Variants in MED13L observed in about 807,000 individuals in gnomAD.
The protein encoded by MED13L is mediator of RNA polymerase II transcription subunit 13-like.
In MED13L, 7 loss-of-function variants were observed where a neutral mutation model predicts 220.9. The ratio of observed to expected loss-of-function variants is 0.03; its 90% CI spans 0.02 to 0.06. MED13L has a LOEUF of 0.06. Among genes scored for constraint, MED13L ranks in the 10% least tolerant of loss-of-function variants. The probability of loss-of-function intolerance (pLI) is 1.00; values close to 1 mark genes in which losing one functional copy is unlikely to be tolerated. For synonymous variants in MED13L, 1,011 were observed against 1,015.2 expected (o/e 1.00, Z 0.08); for missense variants, 1,965 against 2,760.5 (o/e 0.71, Z 6.46).
At chr12:115,962,477 G>A (rs576051615) in intron 30 of MED13L, among the ~76,000 whole-genome samples, 5 of 152,144 alleles carry the variant, frequency 3.3e-5, no homozygotes, top group African/African-American at 7.2e-5. Flanking sequence ...AGGCATGGAC[G>A]GGGGTTGGGG....
intron 4 of MED13L, 83 bp from the exon 5 acceptor site, chr12:116,022,684 C>T (rs1880131615): frequency 3.5e-6 from 5 of 1,430,598 alleles, no homozygotes; most frequent in Non-Finnish European, 4.8e-6. Context: ...TAAGATACAG[C>T]TCTACTTTAT....
At chr12:116,251,450 CT>C (rs1203382299) in intron 1 of MED13L, among the ~76,000 whole-genome samples, 176 of 129,486 alleles carry the variant, frequency 1.4e-3, no homozygotes, top group Admixed American at 4.3e-3. Context: ...GTGAGGGATC[CT>C]TTTTTTTTTT....
chr12:115,958,756 A>T lies in MED13L; in HGVS notation c.*2510T>A, dbSNP rs1875574375. The T allele has an allele frequency of 6.6e-6, 1 of 152,584 alleles. No individual in the cohort carries two copies. Among genetic ancestry groups the T allele is most frequent in the South Asian group, 2.1e-4 (1 of 4,832 alleles). The allele number at this position is 152,584 out of a possible 1,614,324, so 9.5% of individuals were successfully genotyped here. On this transcript the variant is annotated 3_prime_UTR_variant, in exon 31 of 31. Transcript: ENST00000281928. ...AGTTATTTTTTTAAATGAACTTCAC[A>T]TATTTTTGTATTCTTTCAAATTGTT...
chr12:116,193,591 T>C (rs1281337748), intron 2 of MED13L, among the ~76,000 whole-genome samples: 4 of 142,628 alleles, frequency 2.8e-5, no homozygotes, highest in Non-Finnish European at 6.0e-5. Flanking sequence ...AAGATGAAGA[T>C]TTAGTGTAAA....
intron 1 of MED13L, among the ~76,000 whole-genome samples, chr12:116,250,399 G>A: frequency 6.9e-6 from 1 of 145,238 alleles, no homozygotes; most frequent in Non-Finnish European, 1.5e-5. Flanking sequence ...CACGACACAA[G>A]ATAGAAACCT....
intron 25 of MED13L, among the ~76,000 whole-genome samples, chr12:115,974,372 T>C (rs1160341431): frequency 6.6e-6 from 1 of 152,220 alleles, no homozygotes; most frequent in African/African-American, 2.4e-5. Flanking sequence ...ACTTCTCCCA[T>C]CTGAATGCAT....
At chr12:116,178,788 C>A (rs1880269495) in intron 2 of MED13L, among the ~76,000 whole-genome samples, 1 of 152,220 alleles carries the variant, frequency 6.6e-6, no homozygotes, top group Non-Finnish European at 1.5e-5. Context: ...CTGAATTGAA[C>A]TGAATATTCA....
At chr12:116,204,975 C>T (rs1882222446) in intron 2 of MED13L, among the ~76,000 whole-genome samples, 1 of 152,146 alleles carries the variant, frequency 6.6e-6, no homozygotes, top group African/African-American at 2.4e-5. Flanking sequence ...ACAAATACTG[C>T]TTCTTTGCTG....
In MED13L at chr12:116,046,739, C is replaced by T. The variant is rs187071918; in HGVS notation, c.480-24138G>A. 1.8e-4 allele frequency among the ~76,000 whole-genome samples: 28 copies of T among 152,182 alleles called. No individual in the cohort carries two copies. The South Asian group carries it at 1.9e-3, about 10-fold the overall frequency. On this transcript the variant is annotated intron_variant, in intron 4 of 30. Transcript: ENST00000281928. ...CTGTAATCTCTGCACTTTGGGAGGACGAGACAGACGGATCACGAGGTCAGG... is the reference window on the plus strand; with the variant it reads ...CTGTAATCTCTGCACTTTGGGAGGATGAGACAGACGGATCACGAGGTCAGG...
intron 4 of MED13L, among the ~76,000 whole-genome samples, chr12:116,085,410 C>T (rs1871562880): frequency 6.6e-6 from 1 of 152,110 alleles, no homozygotes; most frequent in Admixed American, 6.5e-5. Context: ...AAAAGATCAT[C>T]TTTTAACATC....
rs538665465 is a variant in MED13L at position 116,192,102 on chromosome 12, A to C, written c.310+45366T>G. Among the ~76,000 whole-genome samples, 3 of 152,338 alleles carry C rather than the reference A, an allele frequency of 2.0e-5. 1 individual carries two copies. In the South Asian group the frequency reaches 6.2e-4, roughly 32 times the overall value. On this transcript the variant is annotated intron_variant, in intron 2 of 30. Coordinates refer to ENST00000281928, the MANE Select transcript of MED13L (RefSeq NM_015335.5). ...AGATTTAATGCCCACTAAAACAATTAAAAGAGAGCAATAAAATAAACTTTC... is the reference window on the plus strand; with the variant it reads ...AGATTTAATGCCCACTAAAACAATTCAAAGAGAGCAATAAAATAAACTTTC...
In MED13L at chr12:116,022,502, A is replaced by G. The variant is rs11067880; in HGVS notation, c.579T>C (p.Asn193=). ...IAQHQPIYLI[N]EEHIHMAQSS... is the part of the protein sequence containing the mutation. ...ACTGAGCCATGTGTATATGCTCCTC[A>G]TTGATCAAATAAATTGGCTGGTGCT... Residue 193 remains asparagine (N), a synonymous_variant, in exon 5 of 31, where the codon AAT becomes AAC. Coordinates refer to ENST00000281928, the MANE Select transcript of MED13L (RefSeq NM_015335.5). The G allele has an allele frequency of 5.9e-3, 9,576 of 1,613,836 alleles. 462 individuals are homozygous for G. The African/African-American group carries it at 0.11, about 19-fold the overall frequency.
At chr12:116,139,024 T>C (rs1593089201) in intron 2 of MED13L, among the ~76,000 whole-genome samples, 1 of 152,214 alleles carries the variant, frequency 6.6e-6, no homozygotes, top group Admixed American at 6.5e-5. Flanking sequence ...CTGGAATTTC[T>C]GAATCCACAA....
intron 1 of MED13L, 32 bp from the exon 2 acceptor site, chr12:116,237,737 C>G: frequency 3.8e-6 from 6 of 1,578,908 alleles, no homozygotes; most frequent in Non-Finnish European, 3.5e-6. Context: ...TAATCGTTTT[C>G]TCATTTTACT....
intron 2 of MED13L, among the ~76,000 whole-genome samples, chr12:116,147,043 T>G (rs886522487): frequency 6.6e-6 from 1 of 152,132 alleles, no homozygotes; most frequent in Non-Finnish European, 1.5e-5. Flanking sequence ...TACTGAGATA[T>G]AGGAATAATA....
At chr12:116,216,826 C>T (rs1210178086) in intron 2 of MED13L, among the ~76,000 whole-genome samples, 1 of 152,166 alleles carries the variant, frequency 6.6e-6, no homozygotes, top group East Asian at 1.9e-4. Context: ...TAATACATTA[C>T]TGTACTTGAT....
chr12:116,050,181 GAGTTGA>G (rs1868373829), intron 4 of MED13L, among the ~76,000 whole-genome samples: 1 of 152,110 alleles, frequency 6.6e-6, no homozygotes, highest in African/African-American at 2.4e-5. Flanking sequence ...ATGACTCTAA[GAGTTGA>G]ATTAACTCTT....
intron 2 of MED13L, among the ~76,000 whole-genome samples, chr12:116,169,583 C>T (rs771186297): frequency 1.2e-4 from 18 of 152,146 alleles, no homozygotes; most frequent in Non-Finnish European, 2.1e-4. Context: ...AATCTGGCAT[C>T]ACATAAGTAT....
chr12:116,022,479 T>A lies in MED13L; in HGVS notation c.602A>T (p.Gln201Leu). 1.2e-6 allele frequency: 2 copies of A among 1,613,814 alleles called. No homozygotes were observed. The highest frequency in any genetic ancestry group is 1.7e-6 in the Non-Finnish European group (2 of 1,179,854). Residue 201 changes from glutamine to leucine, a missense_variant, in exon 5 of 31, where the codon CAG becomes CTG. This residue lies in a region of MED13L where 818 missense variants were observed against 1,041.2 expected (regional missense o/e 0.79). Coordinates refer to ENST00000281928, the MANE Select transcript of MED13L (RefSeq NM_015335.5). ...ACCTTGAAATGGTGCAGGTGAAGAC[T>A]GAGCCATGTGTATATGCTCCTCATT... ...LINEEHIHMA[Q>L]SSPAPFQVLV...
Sources: gnomAD v4.1 joint callset for allele counts (sites outside exome capture counted in the v4.1 genomes callset) on GRCh38, gnomAD v4.1.1 for gene constraint, gnomAD v4.1.1 regional missense constraint, MANE v1.5 for transcripts, NCBI Gene and HGNC (gene_info 2026-07-23, HGNC 2026-07-21) for gene names.